Variants in EEFSEC observed in about 807,000 individuals in gnomAD.
EEFSEC encodes the protein selenocysteine-specific elongation factor.
In EEFSEC, 43 loss-of-function variants were observed where a neutral mutation model predicts 42.1. That is an observed-to-expected ratio of 1.02 (90% CI 0.80 to 1.32). EEFSEC has a LOEUF of 1.32. Ranked by LOEUF, EEFSEC falls within the 40% of genes most tolerant of loss-of-function variation. The pLI is 0.00. For synonymous variants in EEFSEC, 354 were observed against 339.1 expected (o/e 1.04, Z -0.48); for missense variants, 745 against 803.6 (o/e 0.93, Z 0.88).
chr3:128,194,608 A>G lies in EEFSEC; in HGVS notation c.316+40785A>G, dbSNP rs181917157. 3.4e-3 allele frequency among the ~76,000 whole-genome samples: 513 copies of G among 152,382 alleles called. 3 individuals are homozygous for G. Among genetic ancestry groups the G allele is most frequent in the Non-Finnish European group, 5.8e-3 (397 of 68,034 alleles). On this transcript the variant is annotated intron_variant, in intron 1 of 6. Coordinates refer to ENST00000254730, the MANE Select transcript of EEFSEC (RefSeq NM_021937.5). ...CTTTATGCACAAAAATGTTCTTCAC[A>G]GCATTATTTATAAGAGCAAAAAATT... is the stretch of plus-strand genomic sequence containing the variant.
chr3:128,255,181 T>C (rs903906531), intron 2 of EEFSEC, among the ~76,000 whole-genome samples: 2 of 151,784 alleles, frequency 1.3e-5, no homozygotes, highest in Non-Finnish European at 2.9e-5. Flanking sequence ...TCATGGTCAG[T>C]ATGCAGGGGA....
chr3:128,153,541 G>A lies in EEFSEC; in HGVS notation c.34G>A (p.Val12Met), dbSNP rs1418408009. Residue 12 changes from valine (V) to methionine (M), a missense_variant, in exon 1 of 7, where the codon GTG becomes ATG. Transcript: ENST00000254730. ...AGRRVNVNVG[V>M]LGHIDSGKTA... ...GCGGCGGGTGAACGTGAACGTGGGC[G>A]TGCTGGGCCACATCGACAGCGGCAA... is the stretch of plus-strand genomic sequence containing the variant. The A allele has an allele frequency of 6.6e-7, 1 of 1,524,476 alleles. No individual in the cohort carries two copies. The highest frequency in any genetic ancestry group is 8.8e-7 in the Non-Finnish European group (1 of 1,142,278). The allele number at this position is 1,524,476 out of a possible 1,614,324, so 94.4% of individuals were successfully genotyped here. A position where few individuals can be genotyped will look rare whatever the true frequency, so the allele number is the denominator to read the frequency against.
At chr3:128,393,354 C>A (rs549379923) in intron 6 of EEFSEC, among the ~76,000 whole-genome samples, 24 of 152,338 alleles carry the variant, frequency 1.6e-4, no homozygotes, top group African/African-American at 5.8e-4. Flanking sequence ...CCTTTTGGTA[C>A]ACACGCTGGT....
At chr3:128,403,033 G>A (rs2068066164) in intron 6 of EEFSEC, among the ~76,000 whole-genome samples, 1 of 152,148 alleles carries the variant, frequency 6.6e-6, no homozygotes, top group Non-Finnish European at 1.5e-5. Flanking sequence ...AAATAGTGGG[G>A]TGAGAGGGGG....
chr3:128,414,094 C>T, the EEFSEC span, among the ~76,000 whole-genome samples: 7 of 152,250 alleles, frequency 4.6e-5, no homozygotes. Context: ...TGACGGACAA[C>T]CCTGCCTCCC....
chr3:128,366,076 CAGA>C (rs2067586740), intron 6 of EEFSEC, among the ~76,000 whole-genome samples: 2 of 152,234 alleles, frequency 1.3e-5, no homozygotes. Context: ...GCCTAAGTCC[CAGA>C]AGCTCTATTT....
At chr3:128,196,736 G>T (rs1158461554) in intron 1 of EEFSEC, among the ~76,000 whole-genome samples, 1 of 152,186 alleles carries the variant, frequency 6.6e-6, no homozygotes, top group Non-Finnish European at 1.5e-5. Flanking sequence ...ACCCAAACCT[G>T]TGTCTGTCAC....
chr3:128,375,611 T>C (rs2067700227), intron 6 of EEFSEC, among the ~76,000 whole-genome samples: 1 of 152,236 alleles, frequency 6.6e-6, no homozygotes, highest in African/African-American at 2.4e-5. Flanking sequence ...CTGGGTGCTC[T>C]GGCCTCAGCT....
chr3:128,311,283 C>A (rs762796113), intron 4 of EEFSEC, among the ~76,000 whole-genome samples: 3 of 152,216 alleles, frequency 2.0e-5, no homozygotes, highest in African/African-American at 7.2e-5. Context: ...ACAGCATTCA[C>A]CTTCCTCTTC....
intron 1 of EEFSEC, among the ~76,000 whole-genome samples, chr3:128,204,687 A>G (rs934627530): frequency 3.3e-5 from 5 of 152,120 alleles, no homozygotes; most frequent in African/African-American, 1.2e-4. Context: ...GTGCCTGGAC[A>G]GCAGCAGGAT....
At chr3:128,235,676 T>G (rs2066001250) in intron 1 of EEFSEC, among the ~76,000 whole-genome samples, 1 of 152,202 alleles carries the variant, frequency 6.6e-6, no homozygotes, top group South Asian at 2.1e-4. Context: ...CCGTGGTGTT[T>G]TTAAATAGCT....
rs149132021 is a variant in EEFSEC, at chr3:128,267,359, A to C, written c.786+2578A>C. 1.4e-4 allele frequency among the ~76,000 whole-genome samples: 22 copies of C among 152,306 alleles called. No homozygotes were observed. In the East Asian group the frequency reaches 4.0e-3, roughly 28 times the overall value. ...CACATGGCAGGTGCTTGGCAGATACAAATTTAATTCTCCTTTTACTTTTGT... is the reference window on the plus strand; with the variant it reads ...CACATGGCAGGTGCTTGGCAGATACCAATTTAATTCTCCTTTTACTTTTGT... On this transcript the variant is annotated intron_variant, in intron 4 of 6. Coordinates refer to ENST00000254730, the MANE Select transcript of EEFSEC (RefSeq NM_021937.5).
At position 128,311,332 on chromosome 3, in the gene EEFSEC, A is replaced by G. The variant is rs146824398; in HGVS notation, c.787-29901A>G. On this transcript the variant is annotated intron_variant, in intron 4 of 6. Transcript: ENST00000254730. ...CCCATTCTGGGTCTGCCATTTTACTACAGAGGAGAGAATTTGAAAGGTGGT... is the reference window on the plus strand; with the variant it reads ...CCCATTCTGGGTCTGCCATTTTACTGCAGAGGAGAGAATTTGAAAGGTGGT... 5.8e-3 allele frequency among the ~76,000 whole-genome samples: 881 copies of G among 152,342 alleles called. 4 individuals carry two copies. The highest frequency in any genetic ancestry group is 0.02 in the African/African-American group (833 of 41,578).
intron 2 of EEFSEC, among the ~76,000 whole-genome samples, chr3:128,253,487 T>C (rs1199149695): frequency 1.3e-5 from 2 of 152,200 alleles, no homozygotes; most frequent in African/African-American, 2.4e-5. Flanking sequence ...CCATGGACTA[T>C]TGAGATGGTA....
chr3:128,270,067 G>T (rs1156262104), intron 4 of EEFSEC, among the ~76,000 whole-genome samples: 1 of 152,178 alleles, frequency 6.6e-6, no homozygotes, highest in African/African-American at 2.4e-5. Flanking sequence ...GCTCAAACTT[G>T]GGATGACCAC....
chr3:128,236,388 G>A (rs182813588), intron 1 of EEFSEC, among the ~76,000 whole-genome samples: 29 of 152,262 alleles, frequency 1.9e-4, no homozygotes, highest in East Asian at 1.7e-3. Context: ...TCTGCGACCC[G>A]TGACTTAATT....
intron 5 of EEFSEC, 87 bp from the exon 6 acceptor site, chr3:128,358,130 G>T: frequency 1.3e-6 from 2 of 1,538,714 alleles, no homozygotes; most frequent in South Asian, 1.3e-5. Flanking sequence ...CCTAGGGCCC[G>T]GGAGAGCTGG....
At chr3:128,169,519 T>C (rs1298166275) in intron 1 of EEFSEC, among the ~76,000 whole-genome samples, 2 of 152,374 alleles carry the variant, frequency 1.3e-5, no homozygotes, top group East Asian at 3.9e-4. Context: ...CTGGTCTCAC[T>C]ATGGCTATCC....
At chr3:128,166,232 C>A (rs2065241519) in intron 1 of EEFSEC, among the ~76,000 whole-genome samples, 1 of 152,154 alleles carries the variant, frequency 6.6e-6, no homozygotes, top group Non-Finnish European at 1.5e-5. Flanking sequence ...CAGCACCCAG[C>A]CCTTGCAGAG....
Sources: allele counts gnomAD v4.1 joint callset (sites outside exome capture counted in the v4.1 genomes callset), GRCh38; gene constraint gnomAD v4.1.1; transcripts MANE v1.5; gene names NCBI Gene and HGNC (gene_info 2026-07-23, HGNC 2026-07-21).